DPP10: variants seen among roughly 807,000 people sequenced by gnomAD.
DPP10 encodes inactive dipeptidyl peptidase 10.
In DPP10, 33 loss-of-function variants were observed where a neutral mutation model predicts 120.9. That is an observed-to-expected ratio of 0.27 (90% CI 0.21 to 0.37). The LOEUF is 0.37. Ranked by LOEUF, DPP10 falls within the 10% of genes least tolerant of loss-of-function variation. DPP10 has a pLI of 1.00. For missense variants in DPP10, 816 were observed against 942.8 expected, an observed-to-expected ratio of 0.87 and a Z score of 1.76; for synonymous variants, 337 against 326.1, an observed-to-expected ratio of 1.03 and a Z score of -0.36.
chr2:114,516,817 T>A (rs1684631418), intron 1 of DPP10, among the ~76,000 whole-genome samples: 1 of 152,232 alleles, frequency 6.6e-6, no homozygotes, highest in African/African-American at 2.4e-5. Flanking sequence ...GGGCTTTTTT[T>A]AAACTTCTAC....
intron 1 of DPP10, among the ~76,000 whole-genome samples, chr2:115,275,291 A>G (rs555803004): frequency 2.0e-5 from 3 of 152,324 alleles, no homozygotes; most frequent in South Asian, 2.1e-4. Flanking sequence ...GTCTCTCTCT[A>G]TCTCTTTATC....
chr2:115,242,468 C>T (rs1417201998), intron 1 of DPP10, among the ~76,000 whole-genome samples: 1 of 152,172 alleles, frequency 6.6e-6, no homozygotes, highest in Non-Finnish European at 1.5e-5. Context: ...CTGCTATAAG[C>T]ATGCGTGTGC....
At chr2:115,835,259 C>G (rs1239783022) in intron 21 of DPP10, among the ~76,000 whole-genome samples, 1 of 150,890 alleles carries the variant, frequency 6.6e-6, no homozygotes, top group Admixed American at 6.6e-5. Flanking sequence ...TTGTCTTATA[C>G]CTCAGATGCA....
chr2:114,958,095 G>T (rs1698344763), intron 1 of DPP10, among the ~76,000 whole-genome samples: 1 of 152,098 alleles, frequency 6.6e-6, no homozygotes, highest in South Asian at 2.1e-4. Flanking sequence ...GAGACTCCAG[G>T]GGTGCCTCAT....
intron 1 of DPP10, among the ~76,000 whole-genome samples, chr2:114,595,502 C>T (rs1317036330): frequency 6.6e-6 from 1 of 152,070 alleles, no homozygotes. Context: ...CTTTCTGCAC[C>T]TCAAGAAAAG....
At chr2:115,746,980 T>C (rs1678063144) in intron 10 of DPP10, among the ~76,000 whole-genome samples, 1 of 152,332 alleles carries the variant, frequency 6.6e-6, no homozygotes, top group East Asian at 1.9e-4. Flanking sequence ...AGAAATTTCA[T>C]TCAAATGTTG....
rs1661370678 is a variant in DPP10, at chr2:115,703,999, A to T, written c.576+14078A>T. On this transcript the variant is annotated intron_variant, in intron 7 of 25. Transcript: ENST00000410059. ...ATTCTAATTCAGCCACCATCCGCAG[A>T]AATATATGTTAAAATTGAATGTACT... Among the ~76,000 whole-genome samples the T allele has an allele frequency of 2.6e-5, 4 of 152,108 alleles. No individual in the cohort carries two copies. In the South Asian group the frequency reaches 8.3e-4, roughly 32 times the overall value.
At chr2:115,245,211 A>T (rs2058479155) in intron 1 of DPP10, among the ~76,000 whole-genome samples, 1 of 152,048 alleles carries the variant, frequency 6.6e-6, no homozygotes, top group Non-Finnish European at 1.5e-5. Context: ...TCTATGGTGT[A>T]TATATTCCCC....
intron 1 of DPP10, among the ~76,000 whole-genome samples, chr2:114,939,791 A>C (rs1426513873): frequency 6.6e-6 from 1 of 152,190 alleles, no homozygotes; most frequent in African/African-American, 2.4e-5. Context: ...GTCTGCTTAG[A>C]GGGTGGCTGT....
At chr2:114,951,663 G>A (rs1383412909) in intron 1 of DPP10, among the ~76,000 whole-genome samples, 8 of 151,976 alleles carry the variant, frequency 5.3e-5, no homozygotes, top group South Asian at 2.1e-4. Context: ...ATTCTAGCCC[G>A]AATATCTGCT....
chr2:115,529,631 A>G lies in DPP10; in HGVS notation c.441+3659A>G, dbSNP rs531366773. 4.6e-5 allele frequency among the ~76,000 whole-genome samples: 7 copies of G among 152,298 alleles called. No individual in the cohort carries two copies. In the East Asian group the frequency reaches 1.4e-3, roughly 29 times the overall value. ...AAATCTGATACAGTTTTTAAAGATT[A>G]GTGAATGAAAATAGTTAAAAGTAGT... On this transcript the variant is annotated intron_variant, in intron 5 of 25. Coordinates refer to ENST00000410059, the MANE Select transcript of DPP10 (RefSeq NM_020868.6).
At chr2:115,339,967 T>C (rs1452738563) in intron 2 of DPP10, among the ~76,000 whole-genome samples, 1 of 152,078 alleles carries the variant, frequency 6.6e-6, no homozygotes, top group African/African-American at 2.4e-5. Context: ...CTGAGTAAGG[T>C]TGATGGAGTA....
intron 1 of DPP10, among the ~76,000 whole-genome samples, chr2:114,804,024 C>T (rs747407416): frequency 1.4e-4 from 22 of 152,188 alleles, no homozygotes; most frequent in Non-Finnish European, 2.1e-4. Flanking sequence ...CCAGGGTCCC[C>T]GCGCTCTGTG....
chr2:115,460,060 A>T (rs1184010157), intron 3 of DPP10, among the ~76,000 whole-genome samples: 1 of 151,770 alleles, frequency 6.6e-6, no homozygotes, highest in Non-Finnish European at 1.5e-5. Context: ...TTCTCAGAAC[A>T]TTGTAATAAA....
In DPP10 at chr2:115,372,736, A is replaced by G. The variant is rs75155571; in HGVS notation, c.271+28824A>G. The stretch of plus-strand genomic sequence containing the variant: ...ATAATCCATCATATGAAGTAAACAC[A>G]TAACCATCACTGAAGTTAGAGTAAT... On this transcript the variant is annotated intron_variant, in intron 3 of 25. Transcript: ENST00000410059. 8.1e-3 allele frequency among the ~76,000 whole-genome samples: 1,234 copies of G among 152,338 alleles called. 15 individuals carry two copies. Among genetic ancestry groups the G allele is most frequent in the African/African-American group, 0.027 (1,130 of 41,578 alleles).
rs113901539 is a variant in DPP10 at position 114,593,854 on chromosome 2, A to G, written c.60+151016A>G. Among the ~76,000 whole-genome samples the G allele has an allele frequency of 7.8e-3, 1,185 of 152,232 alleles. 12 individuals are homozygous for G. Among genetic ancestry groups the G allele is most frequent in the African/African-American group, 0.027 (1,138 of 41,532 alleles). ...CTTACTTTATAGCATGCCCACTTGC[A>G]ACAAGAATCAGCCTAGGACACCCAA... On this transcript the variant is annotated intron_variant, in intron 1 of 25. Coordinates refer to ENST00000410059, the MANE Select transcript of DPP10 (RefSeq NM_020868.6).
At chr2:114,474,043 C>G (rs1233054904) in intron 1 of DPP10, among the ~76,000 whole-genome samples, 6 of 152,080 alleles carry the variant, frequency 3.9e-5, no homozygotes, top group Non-Finnish European at 7.4e-5. Flanking sequence ...CTGCAACCTC[C>G]GCCTCCCAGG....
chr2:115,261,649 A>ATT (rs1229872206), intron 1 of DPP10, among the ~76,000 whole-genome samples: 1 of 152,222 alleles, frequency 6.6e-6, no homozygotes, highest in Admixed American at 6.5e-5. Context: ...AATTGTTGAA[A>ATT]GGTGATGAAC....
chr2:115,711,916 G>GTT (rs1245249118), intron 7 of DPP10, among the ~76,000 whole-genome samples: 39 of 44,728 alleles, frequency 8.7e-4, no homozygotes, highest in African/African-American at 2.1e-3. Context: ...AAATGGTCTG[G>GTT]TTTTTTTTTT....
Sources: allele counts gnomAD v4.1 joint callset (sites outside exome capture counted in the v4.1 genomes callset), GRCh38; gene constraint gnomAD v4.1.1; transcripts MANE v1.5; gene names NCBI Gene and HGNC (gene_info 2026-07-23, HGNC 2026-07-21).